Variants in ACCSL observed in about 807,000 individuals in gnomAD.
ACCSL encodes the protein probable inactive 1-aminocyclopropane-1-carboxylate synthase-like protein 2.
Under a neutral mutation model 61.7 loss-of-function variants are expected in ACCSL, and 55 were observed. The observed-to-expected ratio is 0.89, with a 90% CI of 0.72 to 1.12. The LOEUF is 1.12. ACCSL is among the 50% of genes most tolerant of loss of function. The pLI, the probability that ACCSL is intolerant of heterozygous loss-of-function variation, is 0.00. For missense variants in ACCSL, 632 were observed against 698.0 expected (o/e 0.91, Z 1.07); for synonymous variants, 258 against 264.3 (o/e 0.98, Z 0.23).
chr11:44,052,225 T>A (rs1232208699), intron 5 of ACCSL, among the ~76,000 whole-genome samples: 2 of 152,194 alleles, frequency 1.3e-5, no homozygotes, highest in Admixed American at 1.3e-4. Flanking sequence ...TTCTCTCAGC[T>A]CATCAGTAAG....
At chr11:43,953,859 C>T in the ACCSL span, among the ~76,000 whole-genome samples, 4 of 152,142 alleles carry the variant, frequency 2.6e-5, no homozygotes, top group Admixed American at 1.3e-4. Context: ...ATGGTGTAGC[C>T]GTTCCCTATT....
rs771278052 is a variant in ACCSL at position 44,055,300 on chromosome 11, G to C, written c.1139+9G>C. 11 of 1,607,996 alleles carry C rather than the reference G, an allele frequency of 6.8e-6. No homozygotes were observed. The Admixed American group carries it at 1.8e-4, about 27-fold the overall frequency. On this transcript the variant is annotated intron_variant, in intron 9 of 13. Coordinates refer to ENST00000378832, the MANE Select transcript of ACCSL (RefSeq NM_001031854.2). ...ATTCTGAGCATGAAAAGGTGAGCTG[G>C]TCTCAGCTGGAGTTGGGAACGAGAA...
chr11:43,987,405 C>T, the ACCSL span, among the ~76,000 whole-genome samples: 2 of 152,164 alleles, frequency 1.3e-5, no homozygotes, highest in Admixed American at 6.5e-5. Flanking sequence ...CGGCAGCTTC[C>T]GTGGCCCAGG....
chr11:44,021,371 T>C, the ACCSL span, among the ~76,000 whole-genome samples: 3 of 152,234 alleles, frequency 2.0e-5, no homozygotes, highest in African/African-American at 7.2e-5. Flanking sequence ...TGATAATTAG[T>C]GATGTTGAGC....
At chr11:44,014,483 C>CAGAGAGAGAG in the ACCSL span, among the ~76,000 whole-genome samples, 19 of 129,026 alleles carry the variant, frequency 1.5e-4, no homozygotes, top group African/African-American at 5.1e-4. Flanking sequence ...GAGAGATAGC[C>CAGAGAGAGAG]AGAGAGAGAG....
the ACCSL span, chr11:43,943,736 G>C: frequency 7.7e-7 from 1 of 1,304,386 alleles, no homozygotes; most frequent in Non-Finnish European, 1.0e-6. This position sits in a 1 kb window ranked among gnomAD's most constrained non-coding sequence, Gnocchi z 4.8. Context: ...GACTTTGGGC[G>C]CAGCGCGGCT....
At chr11:44,018,877 T>C in the ACCSL span, among the ~76,000 whole-genome samples, 1 of 152,226 alleles carries the variant, frequency 6.6e-6, no homozygotes, top group African/African-American at 2.4e-5. Context: ...TTAAGGTATA[T>C]TCACAAAATT....
the ACCSL span, among the ~76,000 whole-genome samples, chr11:43,971,773 C>T: frequency 1.2e-4 from 19 of 152,184 alleles, no homozygotes; most frequent in Non-Finnish European, 2.8e-4. Flanking sequence ...TTGACTCAAG[C>T]TGTCCTCTGC....
chr11:44,051,517 G>A (rs1952638916), intron 4 of ACCSL, 113 bp downstream of exon 4: 18 of 1,542,510 alleles, frequency 1.2e-5, no homozygotes, highest in Non-Finnish European at 1.6e-5. Flanking sequence ...TCAGGGCCAG[G>A]GCAGCATGAA....
the ACCSL span, among the ~76,000 whole-genome samples, chr11:44,012,741 T>C: frequency 4.6e-5 from 7 of 152,366 alleles, no homozygotes; most frequent in African/African-American, 1.7e-4. Flanking sequence ...CATTGCAGTG[T>C]TTTTTATGCT....
At chr11:43,970,950 C>A in the ACCSL span, among the ~76,000 whole-genome samples, 1 of 152,130 alleles carries the variant, frequency 6.6e-6, no homozygotes, top group Admixed American at 6.6e-5. Context: ...AATGAATGAA[C>A]CCTTCTATAG....
At chr11:44,020,159 G>A in the ACCSL span, among the ~76,000 whole-genome samples, 2 of 152,090 alleles carry the variant, frequency 1.3e-5, no homozygotes, top group African/African-American at 2.4e-5. Context: ...CTGTTGCTTT[G>A]TAGTACATTT....
At chr11:43,944,087 G>T in the ACCSL span, 1 of 351,598 alleles carries the variant, frequency 2.8e-6, no homozygotes, top group East Asian at 7.7e-5. Context: ...CCCCGGTCCA[G>T]TGTGCTCCTG....
chr11:43,937,485 G>A, the ACCSL span, among the ~76,000 whole-genome samples: 21 of 152,328 alleles, frequency 1.4e-4, no homozygotes, highest in East Asian at 7.7e-4. Context: ...ACTAGCACAC[G>A]TCTCTAGACT....
the ACCSL span, among the ~76,000 whole-genome samples, chr11:44,032,778 G>T: frequency 6.6e-6 from 1 of 152,188 alleles, no homozygotes; most frequent in African/African-American, 2.4e-5. Flanking sequence ...AGGTCAGAAT[G>T]GGCCTTTCAG....
the ACCSL span, among the ~76,000 whole-genome samples, chr11:43,979,973 A>G: frequency 1.3e-5 from 2 of 152,134 alleles, no homozygotes; most frequent in Admixed American, 1.3e-4. Context: ...ACTCCCTGAT[A>G]TATGTTATTT....
At chr11:44,013,542 C>T in the ACCSL span, among the ~76,000 whole-genome samples, 8 of 152,238 alleles carry the variant, frequency 5.3e-5, no homozygotes, top group African/African-American at 1.9e-4. Context: ...ATCCACCCGC[C>T]TCGGCCTCCC....
the ACCSL span, among the ~76,000 whole-genome samples, chr11:44,018,722 C>T: frequency 6.6e-6 from 1 of 152,298 alleles, no homozygotes; most frequent in Non-Finnish European, 1.5e-5. Context: ...AATCTCAGCA[C>T]ATTGGGAGGC....
At chr11:43,983,436 A>G in the ACCSL span, among the ~76,000 whole-genome samples, 1 of 152,170 alleles carries the variant, frequency 6.6e-6, no homozygotes, top group Non-Finnish European at 1.5e-5. Context: ...TCATGAATGC[A>G]CTTTCTAAGG....
Sources: allele counts gnomAD v4.1 joint callset (sites outside exome capture counted in the v4.1 genomes callset), GRCh38; gene constraint gnomAD v4.1.1; non-coding constraint Gnocchi (gnomAD v3.1); transcripts MANE v1.5; gene names NCBI Gene and HGNC (gene_info 2026-07-23, HGNC 2026-07-21).